DMXL1: variants seen among roughly 807,000 people sequenced by gnomAD.
DMXL1 encodes Dmx like 1, also known as dmX-like protein 1.
In DMXL1, 99 loss-of-function variants were observed where a neutral mutation model predicts 319.2. The observed-to-expected ratio is 0.31, with a 90% confidence interval of 0.26 to 0.37. The LOEUF (loss-of-function observed/expected upper bound fraction) is 0.37, where lower values mean the gene tolerates loss of function less well. DMXL1 is among the 10% of genes least tolerant of loss of function. DMXL1 has a pLI of 1.00. For synonymous variants in DMXL1, 1,385 were observed against 1,235.2 expected, an observed-to-expected ratio of 1.12 and a Z score of -2.54; for missense variants, 3,745 against 3,595.6, an observed-to-expected ratio of 1.04 and a Z score of -1.06.
In DMXL1 at chr5:119,247,968, A is replaced by T; in HGVS notation, c.*749A>T. The stretch of plus-strand genomic sequence containing the variant: ...GCTTTTCATTTTTAAAAAATTTTTG[A>T]ATTCCCATCCTAATTTTCAAATAAG... On this transcript the variant is annotated 3_prime_UTR_variant, in exon 44 of 44. Coordinates refer to ENST00000539542, the MANE Select transcript of DMXL1 (RefSeq NM_001290321.3). 6.6e-6 allele frequency: 1 copy of T among 152,078 alleles called. No individual in the cohort carries two copies. Among genetic ancestry groups the T allele is most frequent in the Admixed American group, 6.6e-5 (1 of 15,264 alleles). The allele number at this position is 152,078 out of a possible 1,614,324, so 9.4% of individuals were successfully genotyped here. A position where few individuals can be genotyped will look rare whatever the true frequency, so the allele number is the denominator to read the frequency against.
In DMXL1 at chr5:119,133,649, G is replaced by A. The variant is rs1159923428; in HGVS notation, c.1725G>A (p.Met575Ile). Residue 575 changes from methionine (M) to isoleucine (I), a missense_variant, in exon 12 of 44, where the codon ATG (methionine) becomes ATA (isoleucine). Physicochemically the swap from Met to Ile is conservative, Grantham distance 10. Around this residue, in one of 4 missense-constraint regions of DMXL1, gnomAD observed 2,096 missense variants for 1,985.4 expected, o/e 1.06. Coordinates refer to ENST00000539542, the MANE Select transcript of DMXL1 (RefSeq NM_001290321.3). The stretch of plus-strand genomic sequence containing the variant: ...CTGGCCTCACCCGTTCCACATCAAT[G>A]CTTATTTCTTCTGGTCACAATAAAT... Reference protein sequence around the residue: ...KPSGLTRSTSMLISSGHNKSS... With the variant: ...KPSGLTRSTSILISSGHNKSS... The A allele has an allele frequency of 2.5e-6, 4 of 1,614,106 alleles. No homozygotes were observed. The highest frequency in any genetic ancestry group is 3.4e-6 in the Non-Finnish European group (4 of 1,180,022).
At chr5:119,182,192 C>T (rs1776897064) in intron 28 of DMXL1, among the ~76,000 whole-genome samples, 1 of 152,102 alleles carries the variant, frequency 6.6e-6, no homozygotes, top group Non-Finnish European at 1.5e-5. Flanking sequence ...GGGAATAAAA[C>T]AGTGTATTTT....
chr5:119,248,567 TATA>T lies in DMXL1; in HGVS notation c.*1355_*1357del, dbSNP rs1474527859. 1.0e-4 allele frequency: 16 copies of T among 152,446 alleles called. No individual in the cohort carries two copies. Among genetic ancestry groups the T allele is most frequent in the Admixed American group, 9.8e-4 (15 of 15,270 alleles). 9.4% of individuals were successfully genotyped at this position (152,446 alleles called of 1,614,324 possible). A position where few individuals can be genotyped will look rare whatever the true frequency, so the allele number is the denominator to read the frequency against. On this transcript the variant is annotated 3_prime_UTR_variant, in exon 44 of 44. Transcript: ENST00000539542. ...AATATATTTTGTTTAATAGGAAATA[TATA>T]ATAATAGCATTTTATGTAATAAAAT... is the stretch of plus-strand genomic sequence containing the variant.
intron 28 of DMXL1, among the ~76,000 whole-genome samples, chr5:119,179,703 A>G (rs2150321804): frequency 6.6e-6 from 1 of 152,306 alleles, no homozygotes; most frequent in East Asian, 1.9e-4. Context: ...GTGGCCCTGC[A>G]TGACTATATA....
chr5:119,194,912 A>G (rs1311417041), intron 30 of DMXL1, among the ~76,000 whole-genome samples: 2 of 152,174 alleles, frequency 1.3e-5, no homozygotes, highest in Non-Finnish European at 2.9e-5. Flanking sequence ...AAAAATTTTA[A>G]TGAACAAAAA....
rs1227241845 is a variant in DMXL1, at chr5:119,190,482, TACTC to T, written c.7314+598_7314+601del. Among the ~76,000 whole-genome samples, 4 of 152,346 alleles carry T rather than the reference TACTC, an allele frequency of 2.6e-5. No individual in the cohort carries two copies. In the South Asian group the frequency reaches 8.3e-4, roughly 32 times the overall value. On this transcript the variant is annotated intron_variant, in intron 29 of 43. Transcript: ENST00000539542. ...CAGTGATTGATTATGTAGCACCTGTTACTCAGTTCATACACAGCAAAGCATGCAG... is the reference window on the plus strand; with the variant it reads ...CAGTGATTGATTATGTAGCACCTGTTAGTTCATACACAGCAAAGCATGCAG...
chr5:119,115,934 T>G (rs1760745803), intron 6 of DMXL1, among the ~76,000 whole-genome samples: 1 of 152,210 alleles, frequency 6.6e-6, no homozygotes, highest in South Asian at 2.1e-4. Context: ...AGCATTTTTC[T>G]TGAACACAGA....
chr5:119,178,534 G>C (rs1487824848), intron 28 of DMXL1: 1 of 854,382 alleles, frequency 1.2e-6, no homozygotes, highest in Non-Finnish European at 1.4e-6. Flanking sequence ...ATTGGTTTTT[G>C]TTCTATCCCA....
chr5:119,125,907 A>C (rs1763448845), intron 9 of DMXL1, among the ~76,000 whole-genome samples: 1 of 152,218 alleles, frequency 6.6e-6, no homozygotes, highest in South Asian at 2.1e-4. Flanking sequence ...GTTGCTATAA[A>C]AAAGCTCTGT....
intron 4 of DMXL1, among the ~76,000 whole-genome samples, chr5:119,106,769 T>C (rs1193242403): frequency 6.6e-6 from 1 of 152,206 alleles, no homozygotes; most frequent in Non-Finnish European, 1.5e-5. Context: ...TAAGAACTTA[T>C]TTCAATGCCT....
At chr5:119,243,521 G>T (rs1280902833) in intron 42 of DMXL1, among the ~76,000 whole-genome samples, 3 of 151,958 alleles carry the variant, frequency 2.0e-5, no homozygotes, top group Non-Finnish European at 2.9e-5. Context: ...CCTAAAATTT[G>T]TTAGGCTGGA....
intron 1 of DMXL1, among the ~76,000 whole-genome samples, chr5:119,079,880 C>A (rs1751801967): frequency 6.6e-6 from 1 of 152,194 alleles, no homozygotes; most frequent in Admixed American, 6.5e-5. Flanking sequence ...TGCAAGATAT[C>A]TTTCTTGTCT....
rs931168098 is a variant in DMXL1 at position 119,149,211 on chromosome 5, T to C, written c.3384T>C (p.Ser1128=). 6.2e-7 allele frequency: 1 copy of C among 1,613,870 alleles called. No homozygotes were observed. The highest frequency in any genetic ancestry group is 8.5e-7 in the Non-Finnish European group (1 of 1,179,856). The change falls in exon 18 of 44, where the codon AGT becomes AGC. Residue 1128 remains serine (S), a synonymous_variant. Transcript: ENST00000539542. ...AYNKQDMYLS[S]KENITSNTKH... Reference sequence around the variant, plus strand: ...ATAAACAAGACATGTATTTATCTAGTAAAGAGAATATCACATCAAACACAA... The same window carrying C: ...ATAAACAAGACATGTATTTATCTAGCAAAGAGAATATCACATCAAACACAA...
chr5:119,211,336 T>A (rs1265812175), intron 34 of DMXL1, among the ~76,000 whole-genome samples: 1 of 152,184 alleles, frequency 6.6e-6, no homozygotes, highest in Non-Finnish European at 1.5e-5. Flanking sequence ...TTAGTGTTAT[T>A]TCTGAAGTGT....
intron 32 of DMXL1, among the ~76,000 whole-genome samples, chr5:119,198,581 C>A (rs138710053): frequency 1.1e-3 from 173 of 152,278 alleles, no homozygotes; most frequent in African/African-American, 4.0e-3. Context: ...AGATTCAGCA[C>A]AATTCCTGTC....
intron 29 of DMXL1, among the ~76,000 whole-genome samples, chr5:119,193,526 A>G (rs535298769): frequency 1.1e-3 from 164 of 152,106 alleles, no homozygotes; most frequent in Non-Finnish European, 2.1e-3. Flanking sequence ...TTATTTGCCT[A>G]TTTTTTTCCA....
chr5:119,083,935 A>G (rs1471344015), intron 1 of DMXL1, among the ~76,000 whole-genome samples: 1 of 152,114 alleles, frequency 6.6e-6, no homozygotes, highest in Non-Finnish European at 1.5e-5. Flanking sequence ...CTTTCTCTGC[A>G]TTTTTGAGAA....
Position 119,170,789 on chromosome 5 carries a change from A to G in DMXL1, c.5998A>G (p.Ile2000Val), listed in dbSNP as rs115843760. ...QRKTDKKLDD[I>V]SSNYTESFST... ...AAAAACAGATAAAAAGTTGGATGAC[A>G]TAAGTTCTAACTACACAGAATCTTT... Residue 2000 changes from isoleucine (I) to valine (V), a missense_variant, in exon 24 of 44, where the codon ATA becomes GTA. Ile to Val is a conservative substitution (Grantham distance 29, BLOSUM62 3). Around this residue, in one of 4 missense-constraint regions of DMXL1, gnomAD observed 1,382 missense variants for 1,269.5 expected, o/e 1.09. Coordinates refer to ENST00000539542, the MANE Select transcript of DMXL1 (RefSeq NM_001290321.3). 2.6e-3 allele frequency: 4,139 copies of G among 1,612,100 alleles called. 78 individuals are homozygous for G. In the African/African-American group the frequency reaches 0.047, roughly 18 times the overall value.
At chr5:119,086,690 TA>T (rs1753446839) in intron 1 of DMXL1, among the ~76,000 whole-genome samples, 1 of 152,234 alleles carries the variant, frequency 6.6e-6, no homozygotes, top group Non-Finnish European at 1.5e-5. Context: ...TTTTCTTTGA[TA>T]AAATACTTTT....
Sources: gnomAD v4.1 joint callset for allele counts (sites outside exome capture counted in the v4.1 genomes callset) on GRCh38, gnomAD v4.1.1 for gene constraint, gnomAD v4.1.1 regional missense constraint, MANE v1.5 for transcripts, NCBI Gene and HGNC (gene_info 2026-07-23, HGNC 2026-07-21) for gene names.